The following HMCN1 variants were observed in gnomAD, a reference collection of about 807,000 sequenced individuals.
HMCN1 encodes hemicentin 1.
A neutral mutation model predicts 625.9 loss-of-function variants in HMCN1; 321 were observed. That is an observed-to-expected ratio of 0.51 (90% CI 0.47 to 0.56). The LOEUF is 0.56. HMCN1 is among the 20% of genes least tolerant of loss of function. HMCN1 has a pLI of 0.00. For missense variants in HMCN1, 6,588 were observed against 6,887.3 expected (o/e 0.96, Z 1.54); for synonymous variants, 2,425 against 2,417.6 (o/e 1.00, Z -0.09).
intron 1 of HMCN1, among the ~76,000 whole-genome samples, chr1:185,845,253 T>C (rs1661738364): frequency 6.6e-6 from 1 of 152,206 alleles, no homozygotes; most frequent in African/African-American, 2.4e-5. Flanking sequence ...GGAGTCTCGC[T>C]GTCTCCCAGG....
intron 102 of HMCN1, among the ~76,000 whole-genome samples, chr1:186,173,326 T>C (rs2102641123): frequency 6.6e-6 from 1 of 152,076 alleles, no homozygotes; most frequent in Middle Eastern, 3.4e-3. Flanking sequence ...CAACAACTGG[T>C]GATGGGAGTT....
chr1:186,004,547 A>T lies in HMCN1; in HGVS notation c.4475+703A>T, dbSNP rs543383166. On this transcript the variant is annotated intron_variant, in intron 29 of 106. Transcript: ENST00000271588. ...TAAAATATACTAAGGCAATAAACAT[A>T]TTAAAAGATACCATCAATAATTTGA... Among the ~76,000 whole-genome samples, 18 of 152,336 alleles carry T rather than the reference A, an allele frequency of 1.2e-4. No homozygotes were observed. The East Asian group carries it at 3.5e-3, about 29-fold the overall frequency.
intron 57 of HMCN1, among the ~76,000 whole-genome samples, chr1:186,083,170 TTCAGTG>T (rs1270404804): frequency 9.9e-5 from 15 of 152,264 alleles, no homozygotes; most frequent in African/African-American, 3.4e-4. Context: ...TTTATATTAC[TTCAGTG>T]TCTCAAGAGA....
chr1:185,796,558 G>A (rs934080025), intron 1 of HMCN1, among the ~76,000 whole-genome samples: 2 of 152,102 alleles, frequency 1.3e-5, no homozygotes, highest in Non-Finnish European at 2.9e-5. Context: ...TATGATAAGG[G>A]CCTACAGTTC....
chr1:186,063,072 A>G (rs1164488995), intron 48 of HMCN1, among the ~76,000 whole-genome samples: 62 of 83,086 alleles, frequency 7.5e-4, no homozygotes, highest in African/African-American at 2.3e-3. Flanking sequence ...GTGTGCATAT[A>G]TATATATATA....
rs74134310 is a variant in HMCN1, at chr1:185,872,173, A to G, written c.621+6310A>G. Among the ~76,000 whole-genome samples the G allele has an allele frequency of 7.3e-3, 1,110 of 152,236 alleles. 14 individuals carry two copies. The highest frequency in any genetic ancestry group is 0.024 in the African/African-American group (995 of 41,552). ...AGATGTTCAGAGCCGATTCCTTAAAATAAATGTAGGTCTCCACATCCACAA... is the reference window on the plus strand; with the variant it reads ...AGATGTTCAGAGCCGATTCCTTAAAGTAAATGTAGGTCTCCACATCCACAA... On this transcript the variant is annotated intron_variant, in intron 4 of 106. Transcript: ENST00000271588.
rs761258435 is a variant in HMCN1 at position 186,010,777 on chromosome 1, G to A, written c.4630+3495G>A. On this transcript the variant is annotated intron_variant, in intron 30 of 106. Coordinates refer to ENST00000271588, the MANE Select transcript of HMCN1 (RefSeq NM_031935.3). ...GACTTGGCAAACCTTTTTTATAAAG[G>A]GCAATATAGTAAATATTTTAGGCTT... is the stretch of plus-strand genomic sequence containing the variant. Among the ~76,000 whole-genome samples the A allele has an allele frequency of 2.7e-4, 41 of 151,824 alleles. 1 individual carries two copies. The highest frequency in any genetic ancestry group is 2.0e-4 in the Admixed American group (3 of 15,226).
chr1:186,129,973 T>G lies in HMCN1; in HGVS notation c.12912T>G (p.Phe4304Leu). ...TFNNNIIPAH[F>L]DSVNGHSELV... Reference sequence around the variant, plus strand: ...GTTTCTTGTTTCCCTCAGCCCACTTTGACAGTGTGAATGGACACAGTGAAC... The same window carrying G: ...GTTTCTTGTTTCCCTCAGCCCACTTGGACAGTGTGAATGGACACAGTGAAC... Residue 4304 changes from phenylalanine (F) to leucine (L), a missense_variant, in exon 84 of 107, where the codon TTT becomes TTG. By Grantham distance (22) the Phe-to-Leu change is conservative. Around this residue, in one of 3 missense-constraint regions of HMCN1, gnomAD observed 1,954 missense variants for 2,013.1 expected, o/e 0.97. Transcript: ENST00000271588. The G allele has an allele frequency of 6.2e-7, 1 of 1,612,928 alleles. No homozygotes were observed. The highest frequency in any genetic ancestry group is 1.7e-4 in the Middle Eastern group (1 of 6,052).
At chr1:186,063,084 A>G (rs1247124443) in intron 48 of HMCN1, among the ~76,000 whole-genome samples, 1 of 124,756 alleles carries the variant, frequency 8.0e-6, no homozygotes, top group Non-Finnish European at 1.6e-5. Flanking sequence ...ATATATATAT[A>G]TATATATATA....
chr1:185,891,386 G>A (rs1387469696), intron 4 of HMCN1, among the ~76,000 whole-genome samples: 1 of 147,790 alleles, frequency 6.8e-6, no homozygotes, highest in Non-Finnish European at 1.5e-5. Flanking sequence ...CTCGTTAGTT[G>A]ATGCAGTTTC....
Position 185,925,027 on chromosome 1 carries a change from G to T in HMCN1, c.1286-20G>T, listed in dbSNP as rs750544971. On this transcript the variant is annotated intron_variant, in intron 8 of 106. Coordinates refer to ENST00000271588, the MANE Select transcript of HMCN1 (RefSeq NM_031935.3). The stretch of plus-strand genomic sequence containing the variant: ...CTTCTTGCTTAAGTTTTTTGTTTTT[G>T]TTTTTGTTTTTTTTCCTAGATGCTC... 1 of 1,581,714 alleles carries T rather than the reference G, an allele frequency of 6.3e-7. No individual in the cohort carries two copies. The highest frequency in any genetic ancestry group is 8.6e-7 in the Non-Finnish European group (1 of 1,162,280).
intron 6 of HMCN1, among the ~76,000 whole-genome samples, chr1:185,919,632 AT>A (rs1463904470): frequency 6.6e-6 from 1 of 152,122 alleles, no homozygotes; most frequent in Non-Finnish European, 1.5e-5. Flanking sequence ...AGTTCAGCAT[AT>A]TTCAACATTT....
chr1:185,788,553 A>G (rs1303457666), intron 1 of HMCN1, among the ~76,000 whole-genome samples: 3 of 152,152 alleles, frequency 2.0e-5, no homozygotes, highest in African/African-American at 7.2e-5. Context: ...AATTAGCCCC[A>G]TAGCCTAGAG....
At chr1:185,740,690 G>A (rs907644099) in intron 1 of HMCN1, among the ~76,000 whole-genome samples, 2 of 150,818 alleles carry the variant, frequency 1.3e-5, no homozygotes, top group African/African-American at 2.4e-5. Flanking sequence ...GGCAGGGGGT[G>A]GGGGGTAGGG....
chr1:186,019,857 C>A (rs1654605188), intron 35 of HMCN1, among the ~76,000 whole-genome samples, 162 bp downstream of exon 35: 1 of 151,768 alleles, frequency 6.6e-6, no homozygotes, highest in Non-Finnish European at 1.5e-5. Flanking sequence ...AAGAATTTAA[C>A]AATATTTTGA....
intron 1 of HMCN1, among the ~76,000 whole-genome samples, chr1:185,832,171 T>A (rs1303915311): frequency 6.6e-6 from 1 of 151,906 alleles, no homozygotes; most frequent in Non-Finnish European, 1.5e-5. Flanking sequence ...TGGCGCATGC[T>A]TGTATTCCCA....
intron 1 of HMCN1, among the ~76,000 whole-genome samples, chr1:185,821,042 A>AATATATAT (rs1247246844): frequency 1.3e-5 from 2 of 151,424 alleles, no homozygotes; most frequent in African/African-American, 4.8e-5. Flanking sequence ...ATGTACATGT[A>AATATATAT]ATATATATAT....
chr1:185,753,120 T>C (rs886591191), intron 1 of HMCN1, among the ~76,000 whole-genome samples: 1 of 152,146 alleles, frequency 6.6e-6, no homozygotes, highest in African/African-American at 2.4e-5. Context: ...TAATTATATA[T>C]TCATTTATTA....
chr1:185,803,087 TG>T (rs1301619412), intron 1 of HMCN1, among the ~76,000 whole-genome samples: 3 of 150,966 alleles, frequency 2.0e-5, no homozygotes, highest in Non-Finnish European at 1.5e-5. Flanking sequence ...CATAGAGGAT[TG>T]TCAGAATTCT....
Sources: gnomAD v4.1 joint callset for allele counts (sites outside exome capture counted in the v4.1 genomes callset) on GRCh38, gnomAD v4.1.1 for gene constraint, gnomAD v4.1.1 regional missense constraint, MANE v1.5 for transcripts, NCBI Gene and HGNC (gene_info 2026-07-23, HGNC 2026-07-21) for gene names.